Variants in EPHA8 observed in about 807,000 individuals in gnomAD.
EPHA8 encodes the protein ephrin type-A receptor 8.
Under a neutral mutation model 103.6 loss-of-function variants are expected in EPHA8, and 58 were observed. The ratio of observed to expected loss-of-function variants is 0.56; its 90% CI spans 0.45 to 0.70. The LOEUF (loss-of-function observed/expected upper bound fraction) is 0.70. EPHA8 is among the 30% of genes least tolerant of loss of function. The pLI is 0.00. For synonymous variants in EPHA8, 559 were observed against 572.5 expected, an observed-to-expected ratio of 0.98 and a Z score of 0.34; for missense variants, 1,304 against 1,395.2, an observed-to-expected ratio of 0.93 and a Z score of 1.04.
intron 5 of EPHA8, among the ~76,000 whole-genome samples, chr1:22,591,778 G>A (rs555918486): frequency 3.3e-5 from 5 of 152,052 alleles, no homozygotes; most frequent in Admixed American, 1.3e-4. Context: ...CTTCTCCTTC[G>A]GAATGACTCA....
At chr1:22,572,568 G>A (rs968740622) in intron 2 of EPHA8, among the ~76,000 whole-genome samples, 2 of 152,226 alleles carry the variant, frequency 1.3e-5, no homozygotes, top group African/African-American at 4.8e-5. Flanking sequence ...ACTAACGAAT[G>A]CTGCTTTAGG....
At position 22,598,834 on chromosome 1, in the gene EPHA8, G is replaced by A. The variant is rs1557582046; in HGVS notation, c.2179-4G>A. On this transcript the variant is annotated splice_region_variant and splice_polypyrimidine_tract_variant and intron_variant, in intron 12 of 16. Coordinates refer to ENST00000166244, the MANE Select transcript of EPHA8 (RefSeq NM_020526.5). The surrounding 1 kb of genome is among the most constrained non-coding windows in gnomAD (Gnocchi z 5.1). ...CCTGAAGTCCAAGCCATGTCCCCCTGCAGACCCACGACGGGCAGTTCACCA... is the reference window on the plus strand; with the variant it reads ...CCTGAAGTCCAAGCCATGTCCCCCTACAGACCCACGACGGGCAGTTCACCA... 6.2e-7 allele frequency: 1 copy of A among 1,612,004 alleles called. No individual in the cohort carries two copies. The highest frequency in any genetic ancestry group is 8.5e-7 in the Non-Finnish European group (1 of 1,179,554).
chr1:22,576,935 C>T lies in EPHA8; in HGVS notation c.823+55C>T. ...AGCCGGCAGCGGTGCTTGGTCTTGG[C>T]AGGGCTGCCAGGGTGTAAGGGGGGA... On this transcript the variant is annotated intron_variant, in intron 3 of 16. Coordinates refer to ENST00000166244, the MANE Select transcript of EPHA8 (RefSeq NM_020526.5). This position sits in a 1 kb window ranked among gnomAD's most constrained non-coding sequence, Gnocchi z 4.8. 6.6e-7 allele frequency: 1 copy of T among 1,524,772 alleles called. No individual in the cohort carries two copies. Among genetic ancestry groups the T allele is most frequent in the Non-Finnish European group, 8.8e-7 (1 of 1,134,688 alleles). 94.5% of individuals were successfully genotyped at this position (1,524,772 alleles called of 1,614,324 possible).
Position 22,589,744 on chromosome 1 carries a change from C to A in EPHA8, c.1315+538C>A. On this transcript the variant is annotated intron_variant, in intron 5 of 16. Transcript: ENST00000166244. This position sits in a 1 kb window ranked among gnomAD's most constrained non-coding sequence, Gnocchi z 4.3. ...CTGGCCAGTTGGTGGGCTGAATTCA[C>A]CCCCGGAACCTCTTTCTTCCCAAAC... 1.1e-6 allele frequency: 1 copy of A among 936,706 alleles called. No homozygotes were observed. Among genetic ancestry groups the A allele is most frequent in the South Asian group, 4.9e-5 (1 of 20,344 alleles). 58.0% of individuals were successfully genotyped at this position (936,706 alleles called of 1,614,324 possible).
intron 7 of EPHA8, 77 bp from the exon 8 acceptor site, chr1:22,595,153 C>A: frequency 1.6e-6 from 2 of 1,256,822 alleles, no homozygotes; most frequent in Non-Finnish European, 2.2e-6. Flanking sequence ...GCCAGGCAGG[C>A]TCAGAGGTCT....
At position 22,576,170 on chromosome 1, in the gene EPHA8, G is replaced by A; in HGVS notation, c.160-47G>A. On this transcript the variant is annotated intron_variant, in intron 2 of 16. Transcript: ENST00000166244. This position sits in a 1 kb window ranked among gnomAD's most constrained non-coding sequence, Gnocchi z 4.8. The stretch of plus-strand genomic sequence containing the variant: ...AACACAGGGTCATTGGCAAAAGAGG[G>A]TGAGGTGCTGGCTCTGCTGTAGTGG... The A allele has an allele frequency of 6.4e-7, 1 of 1,553,816 alleles. No individual in the cohort carries two copies. Among genetic ancestry groups the A allele is most frequent in the Non-Finnish European group, 8.7e-7 (1 of 1,146,972 alleles).
At position 22,593,627 on chromosome 1, in the gene EPHA8, G is replaced by T; in HGVS notation, c.1544G>T (p.Arg515Leu). 1 of 1,607,948 alleles carries T rather than the reference G, an allele frequency of 6.2e-7. No individual in the cohort carries two copies. Among genetic ancestry groups the T allele is most frequent in the Non-Finnish European group, 8.5e-7 (1 of 1,177,634 alleles). The part of the protein sequence containing the change: ...GTRYVFQVRA[R>L]TSAGCGRFSQ... Reference sequence around the variant, plus strand: ...CGCTACGTGTTCCAGGTCCGAGCCCGCACCTCAGCAGGCTGTGGCCGCTTC... The same window carrying T: ...CGCTACGTGTTCCAGGTCCGAGCCCTCACCTCAGCAGGCTGTGGCCGCTTC... The change falls in exon 7 of 17, where the codon CGC (arginine) becomes CTC (leucine). Residue 515 changes from arginine to leucine, a missense_variant. Transcript: ENST00000166244.
At chr1:22,582,719 C>G (rs1304833204) in intron 3 of EPHA8, among the ~76,000 whole-genome samples, 3 of 152,186 alleles carry the variant, frequency 2.0e-5, no homozygotes, top group Non-Finnish European at 4.4e-5. Flanking sequence ...AGTGACCTCC[C>G]CACACCAGAC....
intron 3 of EPHA8, among the ~76,000 whole-genome samples, chr1:22,578,023 ATGTGTGCATGTGTATGTATGTGCATG>A (rs1226259835): frequency 9.3e-5 from 1 of 10,762 alleles, no homozygotes; most frequent in Non-Finnish European, 2.4e-4. Flanking sequence ...GTATGTGTAC[ATGTGTGCATGTGTATGTATGTGCATG>A]TGTGTGCATG....
chr1:22,598,926 A>G lies in EPHA8; in HGVS notation c.2267A>G (p.Tyr756Cys), dbSNP rs752279731. The G allele has an allele frequency of 7.4e-6, 12 of 1,610,928 alleles. No homozygotes were observed. The highest frequency in any genetic ancestry group is 2.7e-5 in the African/African-American group (2 of 74,288). ...ATGCGCTACCTCTCAGACCTGGGCT[A>G]TGTCCACCGAGACCTGGCCGCCCGC... ...AGMRYLSDLG[Y>C]VHRDLAARNV... is the part of the protein sequence containing the mutation. Residue 756 changes from tyrosine (Y) to cysteine (C), a missense_variant, in exon 13 of 17, where the codon TAT becomes TGT. Tyr to Cys is a radical substitution (Grantham distance 194, BLOSUM62 -2). Transcript: ENST00000166244. The surrounding 1 kb of genome is among the most constrained non-coding windows in gnomAD (Gnocchi z 5.1).
At position 22,570,287 on chromosome 1, in the gene EPHA8, TAC is replaced by T. The variant is rs571581853; in HGVS notation, c.159+942_159+943del. 2.1e-3 allele frequency among the ~76,000 whole-genome samples: 317 copies of T among 151,494 alleles called. 1 individual carries two copies. Among genetic ancestry groups the T allele is most frequent in the African/African-American group, 6.5e-3 (268 of 41,238 alleles). On this transcript the variant is annotated intron_variant, in intron 2 of 16. Transcript: ENST00000166244. ...GCATGTACACACACATGCACGCGCGTACACACACATGCACACGTGTGCGTGTA... is the reference window on the plus strand; with the variant it reads ...GCATGTACACACACATGCACGCGCGTACACACATGCACACGTGTGCGTGTA...
rs1641211110 is a variant in EPHA8 at position 22,586,496 on chromosome 1, C to G, written c.840C>G (p.Phe280Leu). Residue 280 changes from phenylalanine (F) to leucine (L), a missense_variant, in exon 4 of 17, where the codon TTC (phenylalanine) becomes TTG (leucine). By Grantham distance (22) the Phe-to-Leu change is conservative. Coordinates refer to ENST00000166244, the MANE Select transcript of EPHA8 (RefSeq NM_020526.5). ...RDACVACELGFYKSAPGDQLC... is the reference protein window; with the variant it reads ...RDACVACELGLYKSAPGDQLC... ...CCTCCACAGCCTGTGAGCTGGGCTT[C>G]TACAAGTCAGCCCCTGGGGACCAGC... 1 of 1,613,642 alleles carries G rather than the reference C, an allele frequency of 6.2e-7. No homozygotes were observed. The highest frequency in any genetic ancestry group is 1.3e-5 in the African/African-American group (1 of 75,028).
rs1004328624 is a variant in EPHA8 at position 22,602,197 on chromosome 1, A to T, written c.*456A>T. 5.1e-6 allele frequency: 1 copy of T among 196,686 alleles called. No individual in the cohort carries two copies. The highest frequency in any genetic ancestry group is 6.0e-5 in the Admixed American group (1 of 16,566). The allele number at this position is 196,686 out of a possible 1,614,324, so 12.2% of individuals were successfully genotyped here. The stretch of plus-strand genomic sequence containing the variant: ...GCTTATCCGTTAAGGCTGGAGGCAC[A>T]TGTGGGTGATGGTGGATGATGTGTC... On this transcript the variant is annotated 3_prime_UTR_variant, in exon 17 of 17. Coordinates refer to ENST00000166244, the MANE Select transcript of EPHA8 (RefSeq NM_020526.5).
At chr1:22,587,148 C>T (rs1641235271) in intron 4 of EPHA8, among the ~76,000 whole-genome samples, 2 of 152,244 alleles carry the variant, frequency 1.3e-5, no homozygotes, top group Non-Finnish European at 2.9e-5. Flanking sequence ...CCCTGGGGCC[C>T]TGCAGTGATT....
chr1:22,598,913 TCA>T lies in EPHA8; in HGVS notation c.2255_2256del (p.Ser752Ter). The part of the protein sequence containing the change: ...RGVGAGMRYL[S>X]DLGYVHRDLA... ...AGTGGGTGCCGGCATGCGCTACCTC[TCA>T]GACCTGGGCTATGTCCACCGAGACC... On this transcript the variant is annotated frameshift_variant, in exon 13 of 17. Coordinates refer to ENST00000166244, the MANE Select transcript of EPHA8 (RefSeq NM_020526.5). LOFTEE classifies it high-confidence loss of function. This position sits in a 1 kb window ranked among gnomAD's most constrained non-coding sequence, Gnocchi z 5.1. 6.2e-7 allele frequency: 1 copy of T among 1,612,818 alleles called. No individual in the cohort carries two copies. The highest frequency in any genetic ancestry group is 8.5e-7 in the Non-Finnish European group (1 of 1,179,918).
intron 8 of EPHA8, among the ~76,000 whole-genome samples, chr1:22,595,632 C>T (rs1196915557): frequency 6.6e-6 from 1 of 152,170 alleles, no homozygotes; most frequent in Non-Finnish European, 1.5e-5. Flanking sequence ...TTGTCCTCTC[C>T]CACTCCATTT....
chr1:22,576,432 C>T lies in EPHA8; in HGVS notation c.375C>T (p.Tyr125=). Residue 125 remains tyrosine, a synonymous_variant, in exon 3 of 17, where the codon TAC becomes TAT. Coordinates refer to ENST00000166244, the MANE Select transcript of EPHA8 (RefSeq NM_020526.5). This position sits in a 1 kb window ranked among gnomAD's most constrained non-coding sequence, Gnocchi z 4.8. ...CCTGCAAGGAGACCTTCAACCTCTA[C>T]TACCTGGAGTCGGACCGCGACCTGG... ...LGTCKETFNL[Y]YLESDRDLGA... 2 of 1,614,052 alleles carry T rather than the reference C, an allele frequency of 1.2e-6. No individual in the cohort carries two copies. Among genetic ancestry groups the T allele is most frequent in the Non-Finnish European group, 1.7e-6 (2 of 1,180,044 alleles).
Position 22,601,286 on chromosome 1 carries a change from C to A in EPHA8, c.2730-14C>A, listed in dbSNP as rs1233690715. On this transcript the variant is annotated splice_polypyrimidine_tract_variant and intron_variant, in intron 15 of 16. Coordinates refer to ENST00000166244, the MANE Select transcript of EPHA8 (RefSeq NM_020526.5). ...GAACCCTCTGGCCACTTACCAAGAG[C>A]CCCTGTGCCTCAGGTGCCCACCCCC... The A allele has an allele frequency of 1.9e-6, 3 of 1,589,790 alleles. No homozygotes were observed. Among genetic ancestry groups the A allele is most frequent in the South Asian group, 1.1e-5 (1 of 87,954 alleles).
chr1:22,585,027 C>CTGTGTT (rs1553146968), intron 3 of EPHA8, among the ~76,000 whole-genome samples: 3 of 147,464 alleles, frequency 2.0e-5, no homozygotes, highest in Non-Finnish European at 4.5e-5. Context: ...GGTCGTTTCT[C>CTGTGTT]TGTGTGTGTG....
Sources: allele counts gnomAD v4.1 joint callset (sites outside exome capture counted in the v4.1 genomes callset), GRCh38; gene constraint gnomAD v4.1.1; non-coding constraint Gnocchi (gnomAD v3.1); transcripts MANE v1.5; gene names NCBI Gene and HGNC (gene_info 2026-07-23, HGNC 2026-07-21).